Variants in SMARCA2 observed in about 807,000 individuals in gnomAD.
The protein encoded by SMARCA2 is SWI/SNF-related matrix-associated actin-dependent regulator of chromatin subfamily A member 2.
Under a neutral mutation model 199.8 loss-of-function variants are expected in SMARCA2, and 61 were observed. The ratio of observed to expected loss-of-function variants is 0.31; its 90% CI spans 0.25 to 0.38. SMARCA2 has a LOEUF of 0.38. Among genes scored for constraint, SMARCA2 ranks in the 10% least tolerant of loss-of-function variants. The pLI is 1.00. For missense variants in SMARCA2, 1,344 were observed against 2,012.2 expected (o/e 0.67, Z 6.35); for synonymous variants, 935 against 732.0 (o/e 1.28, Z -4.48).
chr9:2,028,892 A>T, intron 1 of SMARCA2, 95 bp from the exon 2 acceptor site: 1 of 1,027,300 alleles, frequency 9.7e-7, no homozygotes, highest in Non-Finnish European at 1.4e-6. Context: ...GATGTTTGTT[A>T]CAGAAATGGC....
At position 2,123,851 on chromosome 9, in the gene SMARCA2, G is replaced by C. The variant is rs757237749; in HGVS notation, c.3895G>C (p.Glu1299Gln). ...AGTAGAAAGGCTCACCTGTGAAGAAGAGGAGGAGAAAATATTTGGGAGGGG... is the reference window on the plus strand; with the variant it reads ...AGTAGAAAGGCTCACCTGTGAAGAACAGGAGGAGAAAATATTTGGGAGGGG... ...AEVERLTCEE[E>Q]EEKIFGRGSR... is the part of the protein sequence containing the mutation. The change falls in exon 27 of 34, where the codon GAG (glutamate) becomes CAG (glutamine). Residue 1299 changes from glutamate (E) to glutamine (Q), a missense_variant. By Grantham distance (29) the Glu-to-Gln change is conservative. Transcript: ENST00000349721. This position sits in a 1 kb window ranked among gnomAD's most constrained non-coding sequence, Gnocchi z 4.1. 6.2e-7 allele frequency: 1 copy of C among 1,610,534 alleles called. No individual in the cohort carries two copies. Among genetic ancestry groups the C allele is most frequent in the Non-Finnish European group, 8.5e-7 (1 of 1,178,598 alleles).
At chr9:2,073,885 A>G (rs1821197511) in intron 12 of SMARCA2, among the ~76,000 whole-genome samples, 1 of 152,210 alleles carries the variant, frequency 6.6e-6, no homozygotes, top group Admixed American at 6.5e-5. Flanking sequence ...AGAAGCTGGC[A>G]TTAACTTGGG....
In SMARCA2 at chr9:2,029,454, C is replaced by A. The variant is rs7864163; in HGVS notation, c.225+207C>A. On this transcript the variant is annotated intron_variant, in intron 2 of 33. Coordinates refer to ENST00000349721, the MANE Select transcript of SMARCA2 (RefSeq NM_003070.5). ...ATCAGTTATGAAGATCAGATGTTGG[C>A]TTTTTAAAATACTGACATAGACTAT... is the stretch of plus-strand genomic sequence containing the variant. 0.13 allele frequency among the ~76,000 whole-genome samples: 19,323 copies of A among 152,154 alleles called. 1,535 individuals carry two copies. The highest frequency in any genetic ancestry group is 0.21 in the African/African-American group (8,796 of 41,474).
chr9:2,141,084 G>A (rs1232717072), intron 27 of SMARCA2, among the ~76,000 whole-genome samples: 1 of 152,022 alleles, frequency 6.6e-6, no homozygotes, highest in Admixed American at 6.5e-5. Context: ...CACCAAGTTG[G>A]CAAGTGTCAT....
At chr9:2,165,245 A>G (rs2129669285) in intron 28 of SMARCA2, among the ~76,000 whole-genome samples, 1 of 152,382 alleles carries the variant, frequency 6.6e-6, no homozygotes. Flanking sequence ...AGCCATTTAT[A>G]TTTAACTGAT....
chr9:2,192,452 G>A (rs1210732754), intron 33 of SMARCA2: 6 of 491,010 alleles, frequency 1.2e-5, no homozygotes, highest in African/African-American at 2.0e-5. Flanking sequence ...AACCTTTCAA[G>A]CCAAAGTGAA....
intron 27 of SMARCA2, chr9:2,159,895 G>T: frequency 6.2e-7 from 1 of 1,611,546 alleles, no homozygotes; most frequent in Non-Finnish European, 8.5e-7. Flanking sequence ...TAGCCGGCCT[G>T]CTGATAGTGG....
intron 2 of SMARCA2, among the ~76,000 whole-genome samples, chr9:2,030,073 G>T (rs567166585): frequency 1.3e-5 from 2 of 152,202 alleles, no homozygotes; most frequent in East Asian, 1.9e-4. Context: ...AATGAGACAC[G>T]TAGAGGTTTT....
chr9:2,110,649 T>C lies in SMARCA2; in HGVS notation c.3456+232T>C, dbSNP rs1822953123. Among the ~76,000 whole-genome samples, 1 of 152,236 alleles carries C rather than the reference T, an allele frequency of 6.6e-6. No homozygotes were observed. Among genetic ancestry groups the C allele is most frequent in the Non-Finnish European group, 1.5e-5 (1 of 68,042 alleles). ...GAGGTAGAAAAACTTAGTTTCTCCT[T>C]AGTTTTAATCCCATCTCTTGGGATT... On this transcript the variant is annotated intron_variant, in intron 24 of 33. Coordinates refer to ENST00000349721, the MANE Select transcript of SMARCA2 (RefSeq NM_003070.5). This position sits in a 1 kb window ranked among gnomAD's most constrained non-coding sequence, Gnocchi z 4.8.
chr9:2,097,161 C>A (rs1218112473), intron 20 of SMARCA2: 10 of 512,346 alleles, frequency 2.0e-5, no homozygotes, highest in Non-Finnish European at 3.1e-5. Context: ...GGACATAATC[C>A]TTCAAGGTTC....
intron 9 of SMARCA2, 84 bp from the exon 10 acceptor site, chr9:2,070,334 C>T (rs1370349826): frequency 2.5e-5 from 26 of 1,048,786 alleles, no homozygotes; most frequent in Non-Finnish European, 3.3e-5. Context: ...ACAATGAAAT[C>T]CTATTACATA....
intron 29 of SMARCA2, among the ~76,000 whole-genome samples, chr9:2,179,259 T>C (rs773912705): frequency 2.2e-4 from 33 of 152,148 alleles, no homozygotes; most frequent in Non-Finnish European, 4.3e-4. Context: ...TGAGGACATA[T>C]CCTGGAGGGC....
chr9:2,054,740 A>C lies in SMARCA2; in HGVS notation c.1173+17A>C. 6.2e-7 allele frequency: 1 copy of C among 1,613,386 alleles called. No individual in the cohort carries two copies. ...CAGCGTCAGGTAATACATTTTCCCC[A>C]GTGAATCTGAGATGTAGGAAATAAA... On this transcript the variant is annotated intron_variant, in intron 6 of 33. Coordinates refer to ENST00000349721, the MANE Select transcript of SMARCA2 (RefSeq NM_003070.5).
At chr9:2,153,924 A>G (rs1190602070) in intron 27 of SMARCA2, among the ~76,000 whole-genome samples, 14 of 152,162 alleles carry the variant, frequency 9.2e-5, no homozygotes, top group Non-Finnish European at 1.5e-5. Flanking sequence ...TACTTGAATT[A>G]TTCACCTAAG....
chr9:2,084,392 G>A (rs1033179779), intron 17 of SMARCA2, among the ~76,000 whole-genome samples, 196 bp downstream of exon 17: 10 of 150,986 alleles, frequency 6.6e-5, no homozygotes, highest in Non-Finnish European at 1.2e-4. Flanking sequence ...GTGTGTGTGT[G>A]TGTGTGTGTG....
chr9:2,092,748 A>T (rs577708378), intron 19 of SMARCA2, among the ~76,000 whole-genome samples: 1 of 152,320 alleles, frequency 6.6e-6, no homozygotes, highest in East Asian at 1.9e-4. Flanking sequence ...TTTACATATG[A>T]TTTAAACAAA....
intron 1 of SMARCA2, among the ~76,000 whole-genome samples, chr9:2,028,785 G>A (rs1818938897): frequency 6.6e-6 from 1 of 152,122 alleles, no homozygotes; most frequent in African/African-American, 2.4e-5. Context: ...TTTAGTGTGT[G>A]TGTTTTTTTT....
rs1477642020 is a variant in SMARCA2 at position 2,159,233 on chromosome 9, T to A, written c.3982-2453T>A. Reference sequence around the variant, plus strand: ...ACAACTCCCCCCAACTTCATTTATCTCAGTGAGAAGAAAAACAATGAAAAA... The same window carrying A: ...ACAACTCCCCCCAACTTCATTTATCACAGTGAGAAGAAAAACAATGAAAAA... On this transcript the variant is annotated intron_variant, in intron 27 of 33. Transcript: ENST00000349721. Among the ~76,000 whole-genome samples the A allele has an allele frequency of 2.6e-5, 4 of 152,328 alleles. No homozygotes were observed. In the East Asian group the frequency reaches 7.7e-4, roughly 29 times the overall value.
rs1179140479 is a variant in SMARCA2 at position 2,169,378 on chromosome 9, ATTG to A, written c.4200-1038_4200-1036del. The stretch of plus-strand genomic sequence containing the variant: ...TGACCAGACTTCTTAGCGTAGGAGA[ATTG>A]TTATCTTCCACAGTCTGAACCTTCG... On this transcript the variant is annotated intron_variant, in intron 28 of 33. Coordinates refer to ENST00000349721, the MANE Select transcript of SMARCA2 (RefSeq NM_003070.5). This position sits in a 1 kb window ranked among gnomAD's most constrained non-coding sequence, Gnocchi z 6.5. Among the ~76,000 whole-genome samples the A allele has an allele frequency of 1.3e-5, 2 of 152,140 alleles. No individual in the cohort carries two copies. Among genetic ancestry groups the A allele is most frequent in the African/African-American group, 4.8e-5 (2 of 41,418 alleles).
Sources: gnomAD v4.1 joint callset for allele counts (sites outside exome capture counted in the v4.1 genomes callset) on GRCh38, gnomAD v4.1.1 for gene constraint, Gnocchi (gnomAD v3.1) non-coding constraint, MANE v1.5 for transcripts, NCBI Gene and HGNC (gene_info 2026-07-23, HGNC 2026-07-21) for gene names.